PRDM15: variants seen among roughly 807,000 people sequenced by gnomAD.
The protein encoded by PRDM15 is PR/SET domain 15.
In PRDM15, 64 loss-of-function variants were observed where a neutral mutation model predicts 128.6. The ratio of observed to expected loss-of-function variants is 0.50; its 90% CI spans 0.41 to 0.61. The LOEUF is 0.61. PRDM15 is among the 20% of genes least tolerant of loss of function. The pLI is 0.00. For missense variants in PRDM15, 1,242 were observed against 1,569.1 expected (o/e 0.79, Z 3.52); for synonymous variants, 615 against 621.8 (o/e 0.99, Z 0.16).
At chr21:41,829,403 C>G (rs1290718177) in intron 11 of PRDM15, among the ~76,000 whole-genome samples, 1 of 151,898 alleles carries the variant, frequency 6.6e-6, no homozygotes, top group African/African-American at 2.4e-5. Flanking sequence ...ATAAACTACA[C>G]ACACAATACA....
At chr21:41,814,897 G>A (rs1345716923) in intron 19 of PRDM15, 2 of 145,362 alleles carry the variant, frequency 1.4e-5, no homozygotes, top group Non-Finnish European at 3.0e-5. Flanking sequence ...GATTGCGCAG[G>A]GTGCTCTAGT....
Position 41,862,324 on chromosome 21 carries a change from G to T in PRDM15, c.-9-1952C>A, listed in dbSNP as rs2063844419. 6.6e-6 allele frequency among the ~76,000 whole-genome samples: 1 copy of T among 152,190 alleles called. No individual in the cohort carries two copies. The highest frequency in any genetic ancestry group is 1.5e-5 in the Non-Finnish European group (1 of 68,036). ...TGGAATCGGAGTGGGAGGATGGAAG[G>T]AAGTCGTCCTGGCCTTGCTTACTTG... On this transcript the variant is annotated intron_variant, in intron 1 of 23. Coordinates refer to ENST00000398548, the MANE Select transcript of PRDM15 (RefSeq NM_001040424.3). This position sits in a 1 kb window ranked among gnomAD's most constrained non-coding sequence, Gnocchi z 4.1.
rs577548381 is a variant in PRDM15, at chr21:41,821,937, G to C, written c.1862C>G (p.Ser621Trp). Reference protein sequence around the residue: ...NDDNSDESADSEPHKYSCKRC... With the variant: ...NDDNSDESADWEPHKYSCKRC... ...CTTGCAGCTGTACTTGTGAGGCTCC[G>C]AGTCTGCGCTCTCGTCAGAATTGTC... Residue 621 changes from serine (S) to tryptophan (W), a missense_variant, in exon 15 of 24, where the codon TCG becomes TGG. Physicochemically the swap from Ser to Trp is radical, Grantham distance 177. Around this residue, in one of 3 missense-constraint regions of PRDM15, gnomAD observed 602 missense variants for 788.3 expected, o/e 0.76. Transcript: ENST00000398548. This position sits in a 1 kb window ranked among gnomAD's most constrained non-coding sequence, Gnocchi z 5.4. The C allele has an allele frequency of 6.2e-7, 1 of 1,614,196 alleles. No individual in the cohort carries two copies. The highest frequency in any genetic ancestry group is 1.1e-5 in the South Asian group (1 of 91,082).
At chr21:41,840,078 G>A (rs2063026728) in intron 6 of PRDM15, among the ~76,000 whole-genome samples, 1 of 152,132 alleles carries the variant, frequency 6.6e-6, no homozygotes, top group Non-Finnish European at 1.5e-5. Flanking sequence ...CACCATGAGG[G>A]CAGTTTAGTG....
intron 11 of PRDM15, among the ~76,000 whole-genome samples, chr21:41,829,211 G>GCC (rs2062594198): frequency 9.1e-6 from 1 of 109,304 alleles, no homozygotes; most frequent in African/African-American, 4.1e-5. Flanking sequence ...ACACATACAT[G>GCC]TCACACACAC....
chr21:41,804,906 C>A (rs1447378072), intron 21 of PRDM15, among the ~76,000 whole-genome samples: 1 of 152,220 alleles, frequency 6.6e-6, no homozygotes, highest in Non-Finnish European at 1.5e-5. Context: ...GGCCCCCCAC[C>A]AAAGGGGTGA....
chr21:41,819,937 G>A (rs1297217412), intron 17 of PRDM15, among the ~76,000 whole-genome samples, 158 bp downstream of exon 17: 1 of 152,172 alleles, frequency 6.6e-6, no homozygotes, highest in East Asian at 1.9e-4. Context: ...GTGAGTGGCA[G>A]GGCTGATAAG....
chr21:41,837,854 G>C, intron 8 of PRDM15, 80 bp downstream of exon 8: 1 of 1,515,566 alleles, frequency 6.6e-7, no homozygotes, highest in Non-Finnish European at 9.1e-7. Context: ...TGCTGGGAAG[G>C]TGCCTTCCCT....
At chr21:41,823,841 G>A (rs951209699) in intron 13 of PRDM15, among the ~76,000 whole-genome samples, 16 of 152,214 alleles carry the variant, frequency 1.1e-4, no homozygotes, top group African/African-American at 3.9e-4. Context: ...TTACCCCCTT[G>A]GCTTTTATAC....
At chr21:41,861,900 G>C (rs772365963) in intron 1 of PRDM15, 1 of 1,607,954 alleles carries the variant, frequency 6.2e-7, no homozygotes, top group Non-Finnish European at 8.5e-7. Flanking sequence ...AAACAGCACT[G>C]TATCTTCTTT....
intron 5 of PRDM15, among the ~76,000 whole-genome samples, chr21:41,852,331 C>T (rs2063454567): frequency 6.6e-6 from 1 of 152,250 alleles, no homozygotes; most frequent in Non-Finnish European, 1.5e-5. Flanking sequence ...ACACGTGCTG[C>T]CAGCTGCCTA....
At chr21:41,806,009 C>T (rs868798364) in intron 21 of PRDM15, among the ~76,000 whole-genome samples, 23 of 55,670 alleles carry the variant, frequency 4.1e-4, no homozygotes, top group Non-Finnish European at 6.0e-4. Flanking sequence ...ACCACCATCA[C>T]CACCACCATC....
chr21:41,813,838 GC>G (rs1196517111), intron 19 of PRDM15: 2 of 150,702 alleles, frequency 1.3e-5, no homozygotes, highest in African/African-American at 4.9e-5. Flanking sequence ...TTATGAGAAC[GC>G]CTTGTGTTAG....
rs943527215 is a variant in PRDM15, at chr21:41,854,252, C to T, written c.538+314G>A. On this transcript the variant is annotated intron_variant, in intron 5 of 23. Coordinates refer to ENST00000398548, the MANE Select transcript of PRDM15 (RefSeq NM_001040424.3). This position sits in a 1 kb window ranked among gnomAD's most constrained non-coding sequence, Gnocchi z 4.6. ...TGTAGCAGGCCAGGCCATCAAGGTG[C>T]GCGAGAGTGCGCTCTACCATGCACT... Among the ~76,000 whole-genome samples, 6 of 152,230 alleles carry T rather than the reference C, an allele frequency of 3.9e-5. 1 individual carries two copies. The South Asian group carries it at 6.2e-4, about 16-fold the overall frequency.
rs185563184 is a variant in PRDM15, at chr21:41,804,018, G to A, written c.2733+516C>T. On this transcript the variant is annotated intron_variant, in intron 22 of 23. Transcript: ENST00000398548. ...CTCGCTCTGTTGCCTGGGCTGGAGC[G>A]CAGTGGCACAATCTCGGCTCATTGC... Among the ~76,000 whole-genome samples the A allele has an allele frequency of 1.3e-4, 19 of 147,288 alleles. No homozygotes were observed. In the East Asian group the frequency reaches 3.0e-3, roughly 23 times the overall value.
rs1008317153 is a variant in PRDM15 at position 41,819,950 on chromosome 21, C to T, written c.2140+145G>A. ...CTGTGAGTGGCAGGGCTGATAAGGA[C>T]GGGAAAAGCTGGAGAAACAGAGGAA... On this transcript the variant is annotated intron_variant, in intron 17 of 23. Coordinates refer to ENST00000398548, the MANE Select transcript of PRDM15 (RefSeq NM_001040424.3). 82 of 802,690 alleles carry T rather than the reference C, an allele frequency of 1.0e-4. No homozygotes were observed. The Admixed American group carries it at 1.3e-3, about 13-fold the overall frequency. 49.7% of individuals were successfully genotyped at this position (802,690 alleles called of 1,614,324 possible). A position where few individuals can be genotyped will look rare whatever the true frequency, so the allele number is the denominator to read the frequency against.
In PRDM15 at chr21:41,836,133, A is replaced by G; in HGVS notation, c.1258T>C (p.Tyr420His). The change falls in exon 10 of 24, where the codon TAC (tyrosine) becomes CAC (histidine). Residue 420 changes from tyrosine (Y) to histidine (H), a missense_variant. Transcript: ENST00000398548. ...RKESLKQHVS[Y>H]KHSRNEVDGE... ...CCCACCTCGTTCCTGCTGTGCTTGT[A>G]GGAAACGTGCTGCTTTAGGCTCTCT... The G allele has an allele frequency of 6.2e-7, 1 of 1,613,860 alleles. No homozygotes were observed. The highest frequency in any genetic ancestry group is 2.2e-5 in the East Asian group (1 of 44,866).
rs756282532 is a variant in PRDM15 at position 41,836,108 on chromosome 21, C to T, written c.1278+5G>A. 1 of 1,611,012 alleles carries T rather than the reference C, an allele frequency of 6.2e-7. No homozygotes were observed. The highest frequency in any genetic ancestry group is 2.2e-5 in the East Asian group (1 of 44,852). ...GAAGAGAACCCTGGGCTTGTTTCCA[C>T]CCACCTCGTTCCTGCTGTGCTTGTA... On this transcript the variant is annotated splice_donor_5th_base_variant and intron_variant, in intron 10 of 23. Transcript: ENST00000398548.
At chr21:41,872,840 T>A (rs145298857) in intron 1 of PRDM15, among the ~76,000 whole-genome samples, 56 of 152,272 alleles carry the variant, frequency 3.7e-4, no homozygotes, top group African/African-American at 1.2e-3. Flanking sequence ...AGAAATAAGA[T>A]GAGAAAGAAA....
Sources: allele counts gnomAD v4.1 joint callset (sites outside exome capture counted in the v4.1 genomes callset), GRCh38; gene constraint gnomAD v4.1.1; regional missense constraint gnomAD v4.1.1; non-coding constraint Gnocchi (gnomAD v3.1); transcripts MANE v1.5; gene names NCBI Gene and HGNC (gene_info 2026-07-23, HGNC 2026-07-21).